OXR1: variants seen among roughly 807,000 people sequenced by gnomAD.
OXR1 encodes the protein oxidation resistance protein 1.
A neutral mutation model predicts 104.6 loss-of-function variants in OXR1; 41 were observed. The ratio of observed to expected loss-of-function variants is 0.39; its 90% CI spans 0.31 to 0.51. OXR1 has a LOEUF of 0.51. Ranked by LOEUF, OXR1 falls within the 20% of genes least tolerant of loss-of-function variation. The pLI is 0.77. For missense variants in OXR1, 955 were observed against 1,031.9 expected (o/e 0.93, Z 1.02); for synonymous variants, 348 against 348.4 (o/e 1.00, Z 0.01).
intron 1 of OXR1, among the ~76,000 whole-genome samples, chr8:106,309,720 T>C (rs1813618487): frequency 6.6e-6 from 1 of 151,256 alleles, no homozygotes; most frequent in Admixed American, 6.6e-5. Flanking sequence ...TAGTCATCTT[T>C]GGACAAACCA....
chr8:106,546,193 C>G (rs576397287), intron 3 of OXR1, among the ~76,000 whole-genome samples: 1 of 152,272 alleles, frequency 6.6e-6, no homozygotes, highest in East Asian at 1.9e-4. Context: ...GTAGCTGAGT[C>G]ATTTCGTGCT....
chr8:106,734,016 G>A (rs1349907936), intron 11 of OXR1, among the ~76,000 whole-genome samples: 5 of 144,048 alleles, frequency 3.5e-5, no homozygotes, highest in Admixed American at 2.1e-4. Context: ...TTTAAGACAG[G>A]ATTTTGCTCT....
intron 3 of OXR1, among the ~76,000 whole-genome samples, chr8:106,563,836 A>G (rs1816869470): frequency 6.6e-6 from 1 of 152,216 alleles, no homozygotes; most frequent in Non-Finnish European, 1.5e-5. Context: ...TAGGAAACTC[A>G]TTCAAAACCA....
chr8:106,348,784 C>A (rs997387636), intron 1 of OXR1, among the ~76,000 whole-genome samples: 2 of 152,056 alleles, frequency 1.3e-5, no homozygotes, highest in Non-Finnish European at 2.9e-5. Context: ...GAGCACTGTG[C>A]TAGGCCTTCA....
At chr8:106,366,074 A>G (rs889340082) in intron 2 of OXR1, among the ~76,000 whole-genome samples, 2 of 152,174 alleles carry the variant, frequency 1.3e-5, no homozygotes, top group Non-Finnish European at 1.5e-5. Flanking sequence ...GTCATAAGTC[A>G]TTAGAAATAA....
chr8:106,625,405 G>A (rs79941536), intron 3 of OXR1, among the ~76,000 whole-genome samples: 3,914 of 152,196 alleles, frequency 0.026, 177 homozygotes, highest in African/African-American at 0.09. Flanking sequence ...TGTGACTTTG[G>A]TATAACTAAG....
intron 1 of OXR1, among the ~76,000 whole-genome samples, chr8:106,321,907 C>T (rs1814235657): frequency 6.6e-6 from 1 of 152,152 alleles, no homozygotes; most frequent in South Asian, 2.1e-4. Flanking sequence ...TTTGTCATGA[C>T]ATCTCTTAAT....
chr8:106,683,204 A>G lies in OXR1; in HGVS notation c.309A>G (p.Glu103=). ...KPKGTIEYTV[E]SRDSLNSIAL... ...TTATTTTTTCTTTTAAACAGGTTGA[A>G]TCAAGGGATTCTTTGAATAGCATAG... Residue 103 remains glutamate, a synonymous_variant, in exon 5 of 17, where the codon GAA becomes GAG. Coordinates refer to ENST00000517566, the MANE Select transcript of OXR1 (RefSeq NM_001198533.2). The G allele has an allele frequency of 1.3e-6, 2 of 1,524,522 alleles. No homozygotes were observed. Among genetic ancestry groups the G allele is most frequent in the Middle Eastern group, 1.7e-4 (1 of 5,854 alleles). The allele number at this position is 1,524,522 out of a possible 1,614,324, so 94.4% of individuals were successfully genotyped here. A position where few individuals can be genotyped will look rare whatever the true frequency, so the allele number is the denominator to read the frequency against.
At chr8:106,443,582 C>T (rs989047045) in intron 2 of OXR1, among the ~76,000 whole-genome samples, 1 of 152,128 alleles carries the variant, frequency 6.6e-6, no homozygotes, top group African/African-American at 2.4e-5. Context: ...TTTTATAAAT[C>T]TGGGTGTTCC....
intron 1 of OXR1, among the ~76,000 whole-genome samples, chr8:106,286,831 G>T (rs1208830133): frequency 6.6e-6 from 1 of 152,034 alleles, no homozygotes; most frequent in East Asian, 1.9e-4. Context: ...CTCCCGTAAT[G>T]GTCTCTAACA....
At chr8:106,401,511 AG>A in intron 2 of OXR1, among the ~76,000 whole-genome samples, 1 of 152,206 alleles carries the variant, frequency 6.6e-6, no homozygotes, top group South Asian at 2.1e-4. Context: ...TGAAATTTTA[AG>A]GGCCTGCACT....
At chr8:106,540,563 C>A (rs965171269) in intron 3 of OXR1, among the ~76,000 whole-genome samples, 1 of 152,170 alleles carries the variant, frequency 6.6e-6, no homozygotes, top group Non-Finnish European at 1.5e-5. Flanking sequence ...TTCTGCATTT[C>A]TGCCCTCAAT....
chr8:106,503,834 T>G (rs1811974916), intron 2 of OXR1, among the ~76,000 whole-genome samples: 1 of 152,106 alleles, frequency 6.6e-6, no homozygotes, highest in Non-Finnish European at 1.5e-5. Context: ...CTCTTCTACC[T>G]GGGGGAGGGA....
At chr8:106,279,456 G>T (rs1263478708) in intron 1 of OXR1, among the ~76,000 whole-genome samples, 4 of 152,086 alleles carry the variant, frequency 2.6e-5, no homozygotes, top group Admixed American at 2.6e-4. Context: ...GTTTTCTTTG[G>T]TATTGCAGTT....
intron 5 of OXR1, among the ~76,000 whole-genome samples, chr8:106,683,819 A>G (rs1398596262): frequency 6.6e-6 from 1 of 152,214 alleles, no homozygotes; most frequent in African/African-American, 2.4e-5. Context: ...ACTTATTTAA[A>G]GCATTAGACT....
intron 3 of OXR1, among the ~76,000 whole-genome samples, chr8:106,586,473 T>C (rs1219365584): frequency 2.0e-5 from 3 of 152,196 alleles, no homozygotes; most frequent in African/African-American, 7.2e-5. Flanking sequence ...CTTCTGAGCA[T>C]AGTCAAGTTT....
intron 2 of OXR1, among the ~76,000 whole-genome samples, chr8:106,378,030 G>T (rs1038237752): frequency 6.6e-5 from 10 of 152,130 alleles, no homozygotes; most frequent in Admixed American, 5.9e-4. Flanking sequence ...AGTACTTCAT[G>T]TGGTTATCAA....
chr8:106,333,545 A>C (rs528092289), intron 1 of OXR1, among the ~76,000 whole-genome samples: 1 of 152,074 alleles, frequency 6.6e-6, no homozygotes, highest in Non-Finnish European at 1.5e-5. Context: ...TTATCAAAAA[A>C]TATTTCTCTA....
intron 1 of OXR1, among the ~76,000 whole-genome samples, chr8:106,355,757 A>G (rs1815941220): frequency 1.3e-5 from 2 of 151,666 alleles, no homozygotes; most frequent in African/African-American, 4.8e-5. Context: ...TTTAATATTT[A>G]TTTCATTTTA....
Sources: allele counts gnomAD v4.1 joint callset (sites outside exome capture counted in the v4.1 genomes callset), GRCh38; gene constraint gnomAD v4.1.1; transcripts MANE v1.5; gene names NCBI Gene and HGNC (gene_info 2026-07-23, HGNC 2026-07-21).